The following UNC5D variants were observed in gnomAD, a reference collection of about 807,000 sequenced individuals.
UNC5D encodes the protein unc-5 netrin receptor D, also known as netrin receptor UNC5D.
A neutral mutation model predicts 105.4 loss-of-function variants in UNC5D; 39 were observed. The observed-to-expected ratio is 0.37, with a 90% CI of 0.29 to 0.48. UNC5D has a LOEUF of 0.48. UNC5D is among the 20% of genes least tolerant of loss of function. The probability of loss-of-function intolerance (pLI) is 0.98; values close to 1 mark genes in which losing one functional copy is unlikely to be tolerated. For synonymous variants in UNC5D, 452 were observed against 450.4 expected, an observed-to-expected ratio of 1.00 and a Z score of -0.04; for missense variants, 991 against 1,202.4, an observed-to-expected ratio of 0.82 and a Z score of 2.60.
In UNC5D at chr8:35,554,796, T is replaced by C. The variant is rs1451558106; in HGVS notation, c.322+5286T>C. ...GAATTCTAATGAGTGAAATAATGTG[T>C]ATTCCAATGTGTTATGAGAAAGTCT... On this transcript the variant is annotated intron_variant, in intron 2 of 16. Transcript: ENST00000404895. Among the ~76,000 whole-genome samples, 6 of 152,314 alleles carry C rather than the reference T, an allele frequency of 3.9e-5. No individual in the cohort carries two copies. The East Asian group carries it at 1.2e-3, about 29-fold the overall frequency.
intron 1 of UNC5D, among the ~76,000 whole-genome samples, chr8:35,507,659 A>T (rs1365490383): frequency 6.6e-6 from 1 of 151,874 alleles, no homozygotes; most frequent in Non-Finnish European, 1.5e-5. Context: ...GTTAATGGGT[A>T]AAAAAAATAG....
chr8:35,477,029 TCCATTACATTTA>T (rs772070643), intron 1 of UNC5D, among the ~76,000 whole-genome samples: 17 of 152,212 alleles, frequency 1.1e-4, no homozygotes, highest in Non-Finnish European at 2.1e-4. Flanking sequence ...GCATCATCTG[TCCATTACATTTA>T]CCAGGCAGCC....
intron 4 of UNC5D, among the ~76,000 whole-genome samples, chr8:35,631,030 G>C (rs1265197973): frequency 6.6e-6 from 1 of 152,334 alleles, no homozygotes; most frequent in South Asian, 2.1e-4. Context: ...CATTTGGCCT[G>C]GGCCGGGCAC....
intron 1 of UNC5D, among the ~76,000 whole-genome samples, chr8:35,253,219 G>T (rs554293362): frequency 6.6e-6 from 1 of 151,876 alleles, no homozygotes; most frequent in Non-Finnish European, 1.5e-5. Flanking sequence ...GGTATCTTCT[G>T]ATGAAGTGGA....
chr8:35,385,591 G>T (rs1803339246), intron 1 of UNC5D, among the ~76,000 whole-genome samples: 1 of 150,728 alleles, frequency 6.6e-6, no homozygotes, highest in South Asian at 2.1e-4. Context: ...TCAGCCTCCG[G>T]AATAGCTGGG....
intron 1 of UNC5D, among the ~76,000 whole-genome samples, chr8:35,384,684 C>T (rs1318177944): frequency 6.6e-6 from 1 of 152,216 alleles, no homozygotes; most frequent in Admixed American, 6.5e-5. Flanking sequence ...ACATTTATAG[C>T]TTGTGCCGAT....
chr8:35,632,252 T>C (rs1586295736), intron 4 of UNC5D, among the ~76,000 whole-genome samples: 1 of 152,356 alleles, frequency 6.6e-6, no homozygotes, highest in Non-Finnish European at 1.5e-5. Flanking sequence ...CAACTCATGC[T>C]TACTTGTTGA....
rs539271093 is a variant in UNC5D at position 35,484,926 on chromosome 8, C to T, written c.104-64366C>T. Among the ~76,000 whole-genome samples, 7 of 152,214 alleles carry T rather than the reference C, an allele frequency of 4.6e-5. No individual in the cohort carries two copies. The East Asian group carries it at 1.4e-3, about 29-fold the overall frequency. Reference sequence around the variant, plus strand: ...TAACAAGCAGAGCCAAGATTCTAACCCAGGATTTCTAACTCCAGTTCTCAA... The same window carrying T: ...TAACAAGCAGAGCCAAGATTCTAACTCAGGATTTCTAACTCCAGTTCTCAA... On this transcript the variant is annotated intron_variant, in intron 1 of 16. Transcript: ENST00000404895.
intron 1 of UNC5D, among the ~76,000 whole-genome samples, chr8:35,244,141 C>G (rs1802951290): frequency 6.6e-6 from 1 of 152,124 alleles, no homozygotes; most frequent in Non-Finnish European, 1.5e-5. Flanking sequence ...TGCTTTGTAT[C>G]TTTGTACCCG....
chr8:35,731,016 G>T lies in UNC5D; in HGVS notation c.1686G>T (p.Val562=). 2.5e-6 allele frequency: 4 copies of T among 1,613,736 alleles called. No individual in the cohort carries two copies. The highest frequency in any genetic ancestry group is 2.5e-6 in the Non-Finnish European group (3 of 1,179,760). The change falls in exon 11 of 17, where the codon GTG becomes GTT. Residue 562 remains valine (V), a synonymous_variant. Coordinates refer to ENST00000404895, the MANE Select transcript of UNC5D (RefSeq NM_080872.4). ...GGRLVMPNTG[V]SLLIPHGAIP... is the part of the protein sequence containing the mutation. ...TGTTGGCTTTTTCTGTTTTAGGGGTGAGCTTACTCATACCACACGGTGCCA... is the reference window on the plus strand; with the variant it reads ...TGTTGGCTTTTTCTGTTTTAGGGGTTAGCTTACTCATACCACACGGTGCCA...
chr8:35,545,438 T>G (rs1456874907), intron 1 of UNC5D, among the ~76,000 whole-genome samples: 1 of 151,330 alleles, frequency 6.6e-6, no homozygotes, highest in Non-Finnish European at 1.5e-5. Context: ...GAGAGGTGAG[T>G]CATTGCCCTG....
chr8:35,742,819 G>T (rs1829825788), intron 11 of UNC5D, among the ~76,000 whole-genome samples: 1 of 152,138 alleles, frequency 6.6e-6, no homozygotes, highest in African/African-American at 2.4e-5. Flanking sequence ...CCTCTGGTTG[G>T]CACTTGTGTG....
intron 2 of UNC5D, among the ~76,000 whole-genome samples, chr8:35,563,451 G>A (rs1213201669): frequency 1.3e-5 from 2 of 151,112 alleles, no homozygotes; most frequent in Non-Finnish European, 2.9e-5. Context: ...AATTGCTACT[G>A]ATATTTGTAC....
chr8:35,739,086 C>T (rs1168814840), intron 11 of UNC5D, among the ~76,000 whole-genome samples: 2 of 152,162 alleles, frequency 1.3e-5, no homozygotes, highest in Non-Finnish European at 2.9e-5. Context: ...GAGTAAATTG[C>T]TGCCATTTAG....
At chr8:35,335,791 T>C (rs35365523) in intron 1 of UNC5D, among the ~76,000 whole-genome samples, 59,103 of 126,158 alleles carry the variant, frequency 0.47, 13,211 homozygotes, top group East Asian at 0.72. Flanking sequence ...TGAGACGGAG[T>C]GTCGCTCTGT....
chr8:35,407,921 T>G (rs1253044837), intron 1 of UNC5D, among the ~76,000 whole-genome samples: 1 of 152,174 alleles, frequency 6.6e-6, no homozygotes, highest in Non-Finnish European at 1.5e-5. Context: ...TACCACATTT[T>G]CTTTATCCAG....
intron 1 of UNC5D, among the ~76,000 whole-genome samples, chr8:35,430,147 C>G (rs1806527574): frequency 6.6e-6 from 1 of 152,102 alleles, no homozygotes; most frequent in Admixed American, 6.6e-5. Flanking sequence ...AGGATTGGGA[C>G]TTTCAGCCTG....
chr8:35,436,610 C>T (rs1807031352), intron 1 of UNC5D, among the ~76,000 whole-genome samples: 2 of 151,908 alleles, frequency 1.3e-5, no homozygotes, highest in Admixed American at 6.6e-5. Context: ...TGGTGTCATA[C>T]AGAAATTTTT....
At chr8:35,273,282 A>G (rs1306106602) in intron 1 of UNC5D, among the ~76,000 whole-genome samples, 1 of 152,250 alleles carries the variant, frequency 6.6e-6, no homozygotes, top group Non-Finnish European at 1.5e-5. Context: ...TAAAACGATT[A>G]TAAGAGTTTG....
Sources: gnomAD v4.1 joint callset for allele counts (sites outside exome capture counted in the v4.1 genomes callset) on GRCh38, gnomAD v4.1.1 for gene constraint, MANE v1.5 for transcripts, NCBI Gene and HGNC (gene_info 2026-07-23, HGNC 2026-07-21) for gene names.